TCF4: variants seen among roughly 807,000 people sequenced by gnomAD.
The protein encoded by TCF4 is transcription factor 4.
Under a neutral mutation model 82.1 loss-of-function variants are expected in TCF4, and 3 were observed. The observed-to-expected ratio is 0.04, with a 90% CI of 0.02 to 0.09. The LOEUF (loss-of-function observed/expected upper bound fraction) is 0.09, where lower values mean the gene tolerates loss of function less well. Among genes scored for constraint, TCF4 ranks in the 10% least tolerant of loss-of-function variants. The pLI is 1.00. For missense variants in TCF4, 518 were observed against 852.7 expected, an observed-to-expected ratio of 0.61 and a Z score of 4.89; for synonymous variants, 276 against 309.6, an observed-to-expected ratio of 0.89 and a Z score of 1.14.
chr18:55,588,845 A>T (rs2097676523), upstream of TCF4, among the ~76,000 whole-genome samples: 1 of 152,022 alleles, frequency 6.6e-6, no homozygotes, highest in Admixed American at 6.6e-5. Context: ...ACTTCGAAAA[A>T]AAAAAAGGGC....
intron 3 of TCF4, among the ~76,000 whole-genome samples, chr18:55,542,563 G>A (rs995078515): frequency 2.0e-5 from 3 of 151,888 alleles, no homozygotes. Context: ...TTCTCTTATA[G>A]AGACAACATA....
chr18:55,447,937 C>T (rs1174093230), intron 5 of TCF4, among the ~76,000 whole-genome samples: 5 of 135,592 alleles, frequency 3.7e-5, no homozygotes, highest in Middle Eastern at 5.6e-3. Context: ...AAAAGGCTTT[C>T]GCTCTGAATA....
rs566246090 is a variant in TCF4 at position 55,534,541 on chromosome 18, T to C, written c.145+50739A>G. Among the ~76,000 whole-genome samples the C allele has an allele frequency of 1.1e-4, 13 of 114,480 alleles. No individual in the cohort carries two copies. The South Asian group carries it at 2.3e-3, about 20-fold the overall frequency. The allele number at this position is 114,480 out of a possible 152,430, so 75.1% of individuals were successfully genotyped here. A position where few individuals can be genotyped will look rare whatever the true frequency, so the allele number is the denominator to read the frequency against. Reference sequence around the variant, plus strand: ...AGACAAAGCTTAGGCTTCTGACCACTAGAATGTCCACCCAGACTTCTTCAC... The same window carrying C: ...AGACAAAGCTTAGGCTTCTGACCACCAGAATGTCCACCCAGACTTCTTCAC... On this transcript the variant is annotated intron_variant, in intron 3 of 19. Transcript: ENST00000354452.
At chr18:55,325,069 GTATTAC>G (rs1407152497) in intron 8 of TCF4, among the ~76,000 whole-genome samples, 1 of 152,174 alleles carries the variant, frequency 6.6e-6, no homozygotes, top group African/African-American at 2.4e-5. Flanking sequence ...CATTGGCATA[GTATTAC>G]CTACAAGGTA....
rs535685679 is a variant in TCF4 at position 55,222,356 on chromosome 18, A to T, written c.*5679T>A. ...AAATGCTTGTGGCTCTTTTATATAT[A>T]TTTAAAACACACAGTAAGAACATAA... On this transcript the variant is annotated 3_prime_UTR_variant, in exon 20 of 20. Coordinates refer to ENST00000354452, the MANE Select transcript of TCF4 (RefSeq NM_001083962.2). 2 of 152,276 alleles carry T rather than the reference A, an allele frequency of 1.3e-5. No homozygotes were observed. The highest frequency in any genetic ancestry group is 1.3e-4 in the Admixed American group (2 of 15,280). The allele number at this position is 152,276 out of a possible 1,614,324, so 9.4% of individuals were successfully genotyped here.
intron 5 of TCF4, among the ~76,000 whole-genome samples, chr18:55,438,200 CAA>C (rs1295763534): frequency 2.5e-4 from 16 of 63,842 alleles, no homozygotes; most frequent in Admixed American, 3.5e-4. Context: ...GACTTCGTCT[CAA>C]AAAAAAAAAA....
chr18:55,605,444 G>C (rs921072444), intron 2 of TCF4, among the ~76,000 whole-genome samples: 1 of 152,142 alleles, frequency 6.6e-6, no homozygotes, highest in East Asian at 1.9e-4. Context: ...AAGGTCAGTG[G>C]GCTGATTAGA....
intron 8 of TCF4, among the ~76,000 whole-genome samples, chr18:55,283,887 A>T (rs2063135339): frequency 6.6e-6 from 1 of 152,252 alleles, no homozygotes; most frequent in Non-Finnish European, 1.5e-5. Flanking sequence ...TATTTGGACA[A>T]ATGTGACTCA....
intron 14 of TCF4, among the ~76,000 whole-genome samples, chr18:55,256,420 G>T (rs1392143825): frequency 6.6e-6 from 1 of 152,076 alleles, no homozygotes; most frequent in East Asian, 1.9e-4. Context: ...TCACTGTCTG[G>T]TTTCCTTTAC....
rs988371914 is a variant in TCF4, at chr18:55,228,504, A to G, written c.1880-143T>C. On this transcript the variant is annotated intron_variant, in intron 18 of 19. Coordinates refer to ENST00000354452, the MANE Select transcript of TCF4 (RefSeq NM_001083962.2). Reference sequence around the variant, plus strand: ...GGAACAGTTACTAAGTACTGTGGCAATCCATTTGGTCAGTCACTAGTAAAA... The same window carrying G: ...GGAACAGTTACTAAGTACTGTGGCAGTCCATTTGGTCAGTCACTAGTAAAA... 4 of 1,197,932 alleles carry G rather than the reference A, an allele frequency of 3.3e-6. No individual in the cohort carries two copies. The Admixed American group carries it at 7.4e-5, about 22-fold the overall frequency. The allele number at this position is 1,197,932 out of a possible 1,614,324, so 74.2% of individuals were successfully genotyped here.
At chr18:55,576,186 C>T (rs2097526675) in intron 3 of TCF4, among the ~76,000 whole-genome samples, 2 of 151,836 alleles carry the variant, frequency 1.3e-5, no homozygotes, top group Non-Finnish European at 2.9e-5. Context: ...CAGCTACTTA[C>T]CAGCAAACAT....
chr18:55,581,372 C>T (rs1231508012), intron 3 of TCF4, among the ~76,000 whole-genome samples: 2 of 152,004 alleles, frequency 1.3e-5, no homozygotes, highest in Non-Finnish European at 2.9e-5. Flanking sequence ...CACTGGGCAA[C>T]ATTTCTAATG....
chr18:55,524,931 T>C (rs1225084268), intron 3 of TCF4, among the ~76,000 whole-genome samples: 1 of 152,224 alleles, frequency 6.6e-6, no homozygotes, highest in Non-Finnish European at 1.5e-5. Context: ...ACAACTCAAA[T>C]GAACAGCTGT....
intron 6 of TCF4, among the ~76,000 whole-genome samples, chr18:55,361,876 C>T (rs1425867848): frequency 1.3e-5 from 2 of 152,192 alleles, no homozygotes; most frequent in Admixed American, 6.5e-5. Flanking sequence ...TCTACTAATA[C>T]TGCTTTACAA....
At chr18:55,238,293 G>A (rs1328220092) in intron 15 of TCF4, among the ~76,000 whole-genome samples, 4 of 152,296 alleles carry the variant, frequency 2.6e-5, no homozygotes, top group Non-Finnish European at 5.9e-5. Flanking sequence ...CCATAGTCAC[G>A]TATAATGCAG....
intron 3 of TCF4, among the ~76,000 whole-genome samples, chr18:55,480,296 A>AAAGAG (rs1568175293): frequency 1.6e-5 from 1 of 63,356 alleles, no homozygotes; most frequent in Non-Finnish European, 3.0e-5. Flanking sequence ...AAAAAAAAAA[A>AAAGAG]GCGGGGGGGC....
intron 13 of TCF4, 97 bp downstream of exon 13, chr18:55,259,852 G>A: frequency 9.7e-7 from 1 of 1,028,208 alleles, no homozygotes; most frequent in African/African-American, 1.6e-5. Context: ...TTGGGATTTG[G>A]GGGGAAGTGA....
intron 8 of TCF4, among the ~76,000 whole-genome samples, chr18:55,281,111 T>C (rs997557183): frequency 4.6e-5 from 7 of 152,200 alleles, no homozygotes; most frequent in African/African-American, 1.4e-4. Flanking sequence ...ATTTTGTAAT[T>C]TTCATCACAT....
upstream of TCF4, chr18:55,589,280 G>A: frequency 1.9e-6 from 2 of 1,050,646 alleles, no homozygotes; most frequent in Non-Finnish European, 2.3e-6. Context: ...TACTCTGACG[G>A]CAAATTGAAA....
Sources: allele counts gnomAD v4.1 joint callset (sites outside exome capture counted in the v4.1 genomes callset), GRCh38; gene constraint gnomAD v4.1.1; transcripts MANE v1.5; gene names NCBI Gene and HGNC (gene_info 2026-07-23, HGNC 2026-07-21).